The following SMCHD1 variants were observed in gnomAD, a reference collection of about 807,000 sequenced individuals.
The protein encoded by SMCHD1 is structural maintenance of chromosomes flexible hinge domain-containing protein 1.
Under a neutral mutation model 254.7 loss-of-function variants are expected in SMCHD1, and 78 were observed. The ratio of observed to expected loss-of-function variants is 0.31; its 90% CI spans 0.26 to 0.37. The LOEUF (loss-of-function observed/expected upper bound fraction) is 0.37. Ranked by LOEUF, SMCHD1 falls within the 10% of genes least tolerant of loss-of-function variation. The pLI, the probability that SMCHD1 is intolerant of heterozygous loss-of-function variation, is 1.00. For missense variants in SMCHD1, 1,840 were observed against 2,408.1 expected (o/e 0.76, Z 4.94); for synonymous variants, 766 against 794.9 (o/e 0.96, Z 0.61).
chr18:2,724,901 GT>G lies in SMCHD1; in HGVS notation c.2609del (p.Leu870TyrfsTer8). 6.4e-7 allele frequency: 1 copy of G among 1,560,996 alleles called. No individual in the cohort carries two copies. On this transcript the variant is annotated frameshift_variant, in exon 21 of 48. Coordinates refer to ENST00000320876, the MANE Select transcript of SMCHD1 (RefSeq NM_015295.3). LOFTEE classifies it high-confidence loss of function. Reference protein sequence around the residue: ...TDIQPVLEASGLSLHYEEITK... With the variant: ...TDIQPVLEASXLSLHYEEITK... ...AAAAAATAATTTTTTTTCCCCAGTG[GT>G]TTATCTTTACATTATGAAGAAATAA...
intron 42 of SMCHD1, among the ~76,000 whole-genome samples, chr18:2,776,869 G>A (rs1270167742): frequency 6.6e-6 from 1 of 152,122 alleles, no homozygotes; most frequent in East Asian, 1.9e-4. Flanking sequence ...ATCCTGACGG[G>A]TCATAGTTAC....
chr18:2,796,255 G>T, intron 46 of SMCHD1, 148 bp downstream of exon 46: 1 of 870,492 alleles, frequency 1.1e-6, no homozygotes, highest in Non-Finnish European at 1.7e-6. Flanking sequence ...CTGATAAATG[G>T]TTATAAACTA....
intron 29 of SMCHD1, among the ~76,000 whole-genome samples, chr18:2,746,331 G>T (rs1326634252): frequency 6.6e-6 from 1 of 152,152 alleles, no homozygotes. Flanking sequence ...TAGCAGTTTG[G>T]ACTACAAGTC....
At chr18:2,686,250 A>G (rs528859746) in intron 5 of SMCHD1, among the ~76,000 whole-genome samples, 2 of 152,318 alleles carry the variant, frequency 1.3e-5, no homozygotes, top group Non-Finnish European at 2.9e-5. Flanking sequence ...CCAGAATCCA[A>G]AATTTTTTGA....
intron 41 of SMCHD1, 117 bp downstream of exon 41, chr18:2,772,489 A>G (rs2076001013): frequency 2.5e-6 from 2 of 812,218 alleles, no homozygotes; most frequent in Non-Finnish European, 1.8e-6. Flanking sequence ...CTTCTTTCCA[A>G]TAAAGTACCT....
intron 44 of SMCHD1, 66 bp downstream of exon 44, chr18:2,778,305 GATACAT>G: frequency 1.7e-6 from 2 of 1,158,640 alleles, no homozygotes; most frequent in Non-Finnish European, 1.3e-6. Context: ...TCCATTTGAT[GATACAT>G]ATACAAACGA....
rs141243907 is a variant in SMCHD1, at chr18:2,688,575, G to T, written c.754-53G>T. On this transcript the variant is annotated intron_variant, in intron 6 of 47. Transcript: ENST00000320876. Reference sequence around the variant, plus strand: ...ATTTTGAAGTTGACTCTGTCTAAATGCATTAACCAGTTTATTAGGAATTTA... The same window carrying T: ...ATTTTGAAGTTGACTCTGTCTAAATTCATTAACCAGTTTATTAGGAATTTA... The T allele has an allele frequency of 0.022, 34,416 of 1,579,582 alleles. 492 individuals carry two copies. Among genetic ancestry groups the T allele is most frequent in the Middle Eastern group, 0.072 (425 of 5,934 alleles).
chr18:2,765,364 AT>A (rs750158331), intron 37 of SMCHD1, among the ~76,000 whole-genome samples: 18 of 152,210 alleles, frequency 1.2e-4, no homozygotes, highest in Non-Finnish European at 2.2e-4. Context: ...ACTAATAGAT[AT>A]GAAATGTTAC....
rs1478479816 is a variant in SMCHD1 at position 2,804,890 on chromosome 18, C to G, written c.*2338C>G. 6.6e-6 allele frequency: 1 copy of G among 152,118 alleles called. No individual in the cohort carries two copies. The highest frequency in any genetic ancestry group is 1.5e-5 in the Non-Finnish European group (1 of 68,026). 9.4% of individuals were successfully genotyped at this position (152,118 alleles called of 1,614,324 possible). A position where few individuals can be genotyped will look rare whatever the true frequency, so the allele number is the denominator to read the frequency against. The stretch of plus-strand genomic sequence containing the variant: ...TATCCTGTGTTATGTGTTATATAAT[C>G]TGAAATTTGTCACAATGTTACAATC... On this transcript the variant is annotated 3_prime_UTR_variant, in exon 48 of 48. Coordinates refer to ENST00000320876, the MANE Select transcript of SMCHD1 (RefSeq NM_015295.3).
chr18:2,788,656 G>A (rs1224394890), intron 45 of SMCHD1, among the ~76,000 whole-genome samples: 2 of 152,086 alleles, frequency 1.3e-5, no homozygotes, highest in African/African-American at 4.8e-5. Flanking sequence ...CCAAGATGGA[G>A]TGCAGTGGCT....
chr18:2,749,793 A>C (rs966689358), intron 30 of SMCHD1, among the ~76,000 whole-genome samples: 1 of 152,220 alleles, frequency 6.6e-6, no homozygotes, highest in Non-Finnish European at 1.5e-5. Flanking sequence ...GAAATCTGCA[A>C]CTTAGTAACT....
intron 1 of SMCHD1, among the ~76,000 whole-genome samples, chr18:2,663,588 ATCAT>A (rs2073354653): frequency 6.6e-6 from 1 of 152,174 alleles, no homozygotes; most frequent in South Asian, 2.1e-4. Flanking sequence ...TTGTCTTAAT[ATCAT>A]TCATTGGATA....
At chr18:2,708,885 TATATA>T (rs2074588407) in intron 17 of SMCHD1, among the ~76,000 whole-genome samples, 1 of 70,482 alleles carries the variant, frequency 1.4e-5, no homozygotes, top group Non-Finnish European at 2.5e-5. Context: ...TATATATATA[TATATA>T]TATATATATA....
At chr18:2,733,402 G>C (rs897273955) in intron 25 of SMCHD1, among the ~76,000 whole-genome samples, 3 of 152,198 alleles carry the variant, frequency 2.0e-5, no homozygotes, top group African/African-American at 7.2e-5. Flanking sequence ...TAATAATATG[G>C]GAGGTTACCT....
At chr18:2,734,973 A>C (rs988008252) in intron 25 of SMCHD1, among the ~76,000 whole-genome samples, 3 of 151,930 alleles carry the variant, frequency 2.0e-5, no homozygotes, top group Non-Finnish European at 4.4e-5. Context: ...CAGGAGGCTG[A>C]GAGAGAGAAT....
At chr18:2,686,106 A>T (rs1242610724) in intron 5 of SMCHD1, among the ~76,000 whole-genome samples, 1 of 152,090 alleles carries the variant, frequency 6.6e-6, no homozygotes. Flanking sequence ...CAGATTTTGT[A>T]TGTCTGATAG....
intron 21 of SMCHD1, among the ~76,000 whole-genome samples, chr18:2,726,171 T>A (rs985499811): frequency 1.3e-5 from 2 of 151,960 alleles, no homozygotes; most frequent in African/African-American, 4.8e-5. Flanking sequence ...AGAATAAAAA[T>A]TTAAGAGAAA....
At chr18:2,795,836 T>C (rs1169831776) in intron 45 of SMCHD1, 113 bp from the exon 46 acceptor site, 3 of 753,034 alleles carry the variant, frequency 4.0e-6, no homozygotes, top group Non-Finnish European at 6.2e-6. Flanking sequence ...GCTTTAAAAG[T>C]AGATCCCCTA....
At chr18:2,665,155 A>G (rs1367647290) in intron 1 of SMCHD1, among the ~76,000 whole-genome samples, 7 of 152,214 alleles carry the variant, frequency 4.6e-5, no homozygotes. Flanking sequence ...TCTAATGTAA[A>G]TGAAAATGTT....
Sources: gnomAD v4.1 joint callset for allele counts (sites outside exome capture counted in the v4.1 genomes callset) on GRCh38, gnomAD v4.1.1 for gene constraint, MANE v1.5 for transcripts, NCBI Gene and HGNC (gene_info 2026-07-23, HGNC 2026-07-21) for gene names.